Variants in ABCA2 observed in about 807,000 individuals in gnomAD.
ABCA2 encodes ATP-binding cassette sub-family A member 2.
ABCA2 carries 84 observed loss-of-function variants against 262.8 expected under a neutral mutation model. The observed-to-expected ratio is 0.32, with a 90% CI of 0.27 to 0.38. The LOEUF (loss-of-function observed/expected upper bound fraction) is 0.38, where lower values mean the gene tolerates loss of function less well. Ranked by LOEUF, ABCA2 falls within the 10% of genes least tolerant of loss-of-function variation. The pLI, the probability that ABCA2 is intolerant of heterozygous loss-of-function variation, is 1.00. For synonymous variants in ABCA2, 1,696 were observed against 1,502.9 expected (o/e 1.13, Z -2.97); for missense variants, 2,662 against 3,405.9 (o/e 0.78, Z 5.44).
At chr9:137,024,097 G>A (rs1831571186) in intron 2 of ABCA2, 46 bp downstream of exon 2, 1 of 1,568,438 alleles carries the variant, frequency 6.4e-7, no homozygotes, top group South Asian at 1.2e-5. Flanking sequence ...GGCGTGCGAG[G>A]TGCCGCGCTC....
Position 137,010,329 on chromosome 9 carries a change from G to A in ABCA2, c.6217C>T (p.Arg2073Cys), listed in dbSNP as rs777300752. The change falls in exon 41 of 49, where the codon CGC becomes TGC. Residue 2073 changes from arginine to cysteine, a missense_variant. By Grantham distance (180) the Arg-to-Cys change is radical. This residue lies in a region of ABCA2 where 602 missense variants were observed against 897.4 expected (regional missense o/e 0.67). Transcript: ENST00000341511. The part of the protein sequence containing the change: ...RKIGRILAVD[R>C]LCLGVRPGEC... ...CCAGGACGCACACCCAGGCACAGGCGGTCAACGGCCAGGATACGGCCAATC... is the reference window on the plus strand; with the variant it reads ...CCAGGACGCACACCCAGGCACAGGCAGTCAACGGCCAGGATACGGCCAATC... The A allele has an allele frequency of 2.5e-6, 4 of 1,585,956 alleles. No homozygotes were observed. Among genetic ancestry groups the A allele is most frequent in the South Asian group, 2.3e-5 (2 of 87,218 alleles).
rs757418054 is a variant in ABCA2, at chr9:137,011,198, A to G, written c.5911T>C (p.Tyr1971His). 3 of 1,612,410 alleles carry G rather than the reference A, an allele frequency of 1.9e-6. No homozygotes were observed. Among genetic ancestry groups the G allele is most frequent in the Non-Finnish European group, 2.5e-6 (3 of 1,179,834 alleles). Residue 1971 changes from tyrosine to histidine, a missense_variant, in exon 38 of 49, where the codon TAC becomes CAC. Tyr to His is a moderately conservative substitution (Grantham distance 83). This residue lies in a region of ABCA2 where 602 missense variants were observed against 897.4 expected (regional missense o/e 0.67). Coordinates refer to ENST00000341511, the MANE Select transcript of ABCA2 (RefSeq NM_001606.5). This position sits in a 1 kb window ranked among gnomAD's most constrained non-coding sequence, Gnocchi z 8.8. ...MAYNEYINEYYAKIGQFDKMK... is the reference protein window; with the variant it reads ...MAYNEYINEYHAKIGQFDKMK... ...CGGGCCCCCTCACCAATCTTGGCGT[A>G]GTACTCGTTGATGTACTCGTTGTAG...
rs1372637555 is a variant in ABCA2 at position 137,019,657 on chromosome 9, A to G, written c.1426-351T>C. 7 of 237,388 alleles carry G rather than the reference A, an allele frequency of 2.9e-5. No homozygotes were observed. The highest frequency in any genetic ancestry group is 2.1e-4 in the Admixed American group (4 of 18,880). The allele number at this position is 237,388 out of a possible 1,614,324, so 14.7% of individuals were successfully genotyped here. On this transcript the variant is annotated intron_variant, in intron 10 of 48. Coordinates refer to ENST00000341511, the MANE Select transcript of ABCA2 (RefSeq NM_001606.5). This position sits in a 1 kb window ranked among gnomAD's most constrained non-coding sequence, Gnocchi z 4.4. Reference sequence around the variant, plus strand: ...GGCTTGTCTCAAACTCCTGAGCTCAAGCGATCCTCCCACCATGGCTTCCCA... The same window carrying G: ...GGCTTGTCTCAAACTCCTGAGCTCAGGCGATCCTCCCACCATGGCTTCCCA...
At position 137,022,120 on chromosome 9, in the gene ABCA2, A is replaced by G. The variant is rs1315863443; in HGVS notation, c.568-119T>C. The G allele has an allele frequency of 2.7e-3, 310 of 113,778 alleles. 1 individual carries two copies. The highest frequency in any genetic ancestry group is 0.02 in the South Asian group (188 of 9,540). The allele number at this position is 113,778 out of a possible 1,614,324, so 7.0% of individuals were successfully genotyped here. ...TAGATGGTGGGGGCGTGGCTCAGAG[A>G]GTGGGGGCGTGGCTCAGATGGTGGG... On this transcript the variant is annotated intron_variant, in intron 6 of 48. Transcript: ENST00000341511.
At position 137,028,152 on chromosome 9, in the gene ABCA2, G is replaced by A. The variant is rs1326958477; in HGVS notation, c.-12C>T. On this transcript the variant is annotated 5_prime_UTR_variant, in exon 1 of 49. Coordinates refer to ENST00000341511, the MANE Select transcript of ABCA2 (RefSeq NM_001606.5). The surrounding 1 kb of genome is among the most constrained non-coding windows in gnomAD (Gnocchi z 6.9). ...TGCAGGAAGCCCATGGCGGGGCCAC[G>A]CTCCGCCGCCTCAGCGCCGCGGCCC... 6.1e-6 allele frequency: 6 copies of A among 982,078 alleles called. No homozygotes were observed. The highest frequency in any genetic ancestry group is 6.0e-6 in the Non-Finnish European group (5 of 828,742). 60.8% of individuals were successfully genotyped at this position (982,078 alleles called of 1,614,324 possible). A position where few individuals can be genotyped will look rare whatever the true frequency, so the allele number is the denominator to read the frequency against.
intron 26 of ABCA2, 36 bp downstream of exon 26, chr9:137,014,654 G>C (rs746685065): frequency 6.3e-7 from 1 of 1,591,744 alleles, no homozygotes; most frequent in African/African-American, 1.3e-5. Flanking sequence ...GGCCTTGTGG[G>C]TGGGGTGGGC....
chr9:137,027,853 G>A (rs1831706220), intron 1 of ABCA2: 1 of 153,638 alleles, frequency 6.5e-6, no homozygotes, highest in Admixed American at 6.5e-5. Context: ...GATGTCAGCG[G>A]ACGCGGGACC....
At position 137,018,275 on chromosome 9, in the gene ABCA2, G is replaced by A; in HGVS notation, c.1896C>T (p.Phe632=). The change falls in exon 14 of 49, where the codon TTC becomes TTT. Residue 632 remains phenylalanine (F), a synonymous_variant. Coordinates refer to ENST00000341511, the MANE Select transcript of ABCA2 (RefSeq NM_001606.5). The stretch of plus-strand genomic sequence containing the variant: ...GGCGGATCTCGTTGGTTTTCTCGGT[G>A]AAGCTGGAGTTCTGGCGGATCTTGT... ...VHYKIRQNSS[F]TEKTNEIRRA... 1 of 1,610,708 alleles carries A rather than the reference G, an allele frequency of 6.2e-7. No homozygotes were observed. Among genetic ancestry groups the A allele is most frequent in the Non-Finnish European group, 8.5e-7 (1 of 1,179,570 alleles).
chr9:137,017,139 G>A lies in ABCA2; in HGVS notation c.2554-15C>T, dbSNP rs1331835929. 6.2e-7 allele frequency: 1 copy of A among 1,611,744 alleles called. No individual in the cohort carries two copies. The highest frequency in any genetic ancestry group is 8.5e-7 in the Non-Finnish European group (1 of 1,179,290). ...GACATGAGGGACTGAGAAGGCAGTGGTGTCAGCACGTGGGGTGGCCCGGCA... is the reference window on the plus strand; with the variant it reads ...GACATGAGGGACTGAGAAGGCAGTGATGTCAGCACGTGGGGTGGCCCGGCA... On this transcript the variant is annotated splice_polypyrimidine_tract_variant and intron_variant, in intron 18 of 48. Coordinates refer to ENST00000341511, the MANE Select transcript of ABCA2 (RefSeq NM_001606.5).
Position 137,019,356 on chromosome 9 carries a change from ACTTGGGGGCT to A in ABCA2, c.1426-60_1426-51del. On this transcript the variant is annotated intron_variant, in intron 10 of 48. Transcript: ENST00000341511. This position sits in a 1 kb window ranked among gnomAD's most constrained non-coding sequence, Gnocchi z 4.4. Reference sequence around the variant, plus strand: ...GGAGTTTCTGGACGGACCCCCACCGACTTGGGGGCTCTCACCCCACTCACCTCCCCAGTGG... The same window carrying A: ...GGAGTTTCTGGACGGACCCCCACCGACTCACCCCACTCACCTCCCCAGTGG... 1 of 1,593,388 alleles carries A rather than the reference ACTTGGGGGCT, an allele frequency of 6.3e-7. No homozygotes were observed. The highest frequency in any genetic ancestry group is 1.7e-5 in the Admixed American group (1 of 58,918).
intron 40 of ABCA2, 123 bp downstream of exon 40, chr9:137,010,497 T>C: frequency 2.3e-6 from 2 of 855,812 alleles, no homozygotes; most frequent in East Asian, 1.5e-4. Context: ...CCCCACCCCA[T>C]GCAGGCCCCA....
In ABCA2 at chr9:137,010,601, C is replaced by CAAAAA; in HGVS notation, c.6174+18_6174+19insTTTTT. ...TGGCCTACCCCACCCAGGCCCCACC[C>CAAAAA]TACATGCCCAGAGCCCACCTTGGTC... On this transcript the variant is annotated intron_variant, in intron 40 of 48. Transcript: ENST00000341511. The CAAAAA allele has an allele frequency of 7.0e-6, 11 of 1,577,186 alleles. No individual in the cohort carries two copies. The highest frequency in any genetic ancestry group is 8.7e-6 in the Non-Finnish European group (10 of 1,147,982).
chr9:137,018,201 A>G lies in ABCA2; in HGVS notation c.1970T>C (p.Leu657Pro). The change falls in exon 14 of 49, where the codon CTC becomes CCC. Residue 657 changes from leucine (L) to proline (P), a missense_variant. Leu to Pro is a moderately conservative substitution (Grantham distance 98, BLOSUM62 -3). This residue lies in a region of ABCA2 where 187 missense variants were observed against 205.9 expected (regional missense o/e 0.91). Coordinates refer to ENST00000341511, the MANE Select transcript of ABCA2 (RefSeq NM_001606.5). ...GPNTGGRFYF[L>P]YGFVWIQDMM... ...ACCCTGGATCCAGACGAAGCCGTAG[A>G]GGAAGTAGAAGCGGCCGCCAGTATT... The G allele has an allele frequency of 6.2e-7, 1 of 1,611,668 alleles. No individual in the cohort carries two copies. Among genetic ancestry groups the G allele is most frequent in the Non-Finnish European group, 8.5e-7 (1 of 1,179,794 alleles).
In ABCA2 at chr9:137,015,043, T is replaced by A; in HGVS notation, c.3752A>T (p.Glu1251Val). Residue 1251 changes from glutamate to valine, a missense_variant, in exon 25 of 49, where the codon GAG becomes GTG. By Grantham distance (121) the Glu-to-Val change is moderately radical. Around this residue, in one of 12 missense-constraint regions of ABCA2, gnomAD observed 297 missense variants for 286.5 expected, o/e 1.04. Transcript: ENST00000341511. Reference sequence around the variant, plus strand: ...GCGGATGAACTGGGACACCTGGAGCTCGGAGCAGCTGCTCAGCGGGGCCCG... The same window carrying A: ...GCGGATGAACTGGGACACCTGGAGCACGGAGCAGCTGCTCAGCGGGGCCCG... ...PGRAPLSSCS[E>V]LQVSQFIRKH... The A allele has an allele frequency of 1.9e-6, 3 of 1,607,566 alleles. No individual in the cohort carries two copies. Among genetic ancestry groups the A allele is most frequent in the Non-Finnish European group, 2.5e-6 (3 of 1,177,446 alleles).
In ABCA2 at chr9:137,017,214, G is replaced by A; in HGVS notation, c.2535C>T (p.Ala845=). ...REEVAHDKIT[A]FEKCIASLMS... Reference sequence around the variant, plus strand: ...CCCTCACCGCGATGCACTTCTCGAAGGCCGTGATCTTATCATGCGCCACCT... The same window carrying A: ...CCCTCACCGCGATGCACTTCTCGAAAGCCGTGATCTTATCATGCGCCACCT... Residue 845 remains alanine (A), a synonymous_variant, in exon 18 of 49, where the codon GCC becomes GCT. Coordinates refer to ENST00000341511, the MANE Select transcript of ABCA2 (RefSeq NM_001606.5). The A allele has an allele frequency of 6.2e-7, 1 of 1,612,610 alleles. No homozygotes were observed. The highest frequency in any genetic ancestry group is 1.3e-5 in the African/African-American group (1 of 75,032).
At chr9:137,012,435 C>T (rs372495210) in intron 32 of ABCA2, 50 bp downstream of exon 32, 2 of 1,608,942 alleles carry the variant, frequency 1.2e-6, no homozygotes, top group Non-Finnish European at 1.7e-6. Context: ...TCCCTGCAGA[C>T]CTCGGGCGGC....
chr9:137,015,401 C>T lies in ABCA2; in HGVS notation c.3697+13G>A, dbSNP rs781482437. On this transcript the variant is annotated intron_variant, in intron 24 of 48. Coordinates refer to ENST00000341511, the MANE Select transcript of ABCA2 (RefSeq NM_001606.5). ...GGTGGCCCGAAGCCAGCTCAGGCAG[C>T]TTCAACACAGACCTTGGGGGCCCCC... 6.4e-6 allele frequency: 10 copies of T among 1,551,346 alleles called. No individual in the cohort carries two copies. The Admixed American group carries it at 9.8e-5, about 15-fold the overall frequency.
At position 137,019,127 on chromosome 9, in the gene ABCA2, G is replaced by A. The variant is rs752410536; in HGVS notation, c.1554+51C>T. The A allele has an allele frequency of 6.2e-7, 1 of 1,603,482 alleles. No individual in the cohort carries two copies. The highest frequency in any genetic ancestry group is 1.1e-5 in the South Asian group (1 of 90,688). On this transcript the variant is annotated intron_variant, in intron 11 of 48. Coordinates refer to ENST00000341511, the MANE Select transcript of ABCA2 (RefSeq NM_001606.5). This position sits in a 1 kb window ranked among gnomAD's most constrained non-coding sequence, Gnocchi z 4.4. ...CTGCGCCTGCCGAGCCGGGCAGAGA[G>A]GGGCTCCCCACACCACCCACAGCCG...
Position 137,018,924 on chromosome 9 carries a change from GC to G in ABCA2, c.1700del (p.Gly567AlafsTer9). 6.2e-7 allele frequency: 1 copy of G among 1,612,622 alleles called. No individual in the cohort carries two copies. Among genetic ancestry groups the G allele is most frequent in the Non-Finnish European group, 8.5e-7 (1 of 1,179,684 alleles). On this transcript the variant is annotated frameshift_variant, in exon 12 of 49. Coordinates refer to ENST00000341511, the MANE Select transcript of ABCA2 (RefSeq NM_001606.5). LOFTEE classifies it high-confidence loss of function. ...QLDTIDNAAC[G>X]WIQFMSKVSV... Reference sequence around the variant, plus strand: ...TCACCTTGGACATGAACTGGATCCAGCCGCAGGCCGCGTTGTCAATGGTATC... The same window carrying G: ...TCACCTTGGACATGAACTGGATCCAGCGCAGGCCGCGTTGTCAATGGTATC...
Sources: gnomAD v4.1 joint callset for allele counts on GRCh38, gnomAD v4.1.1 for gene constraint, gnomAD v4.1.1 regional missense constraint, Gnocchi (gnomAD v3.1) non-coding constraint, MANE v1.5 for transcripts, NCBI Gene and HGNC (gene_info 2026-07-23, HGNC 2026-07-21) for gene names.